Variants in ABCA10 observed in about 807,000 individuals in gnomAD.
ABCA10 encodes the protein ATP binding cassette subfamily A member 10, also known as ATP-binding cassette sub-family A member 10.
A neutral mutation model predicts 187.5 loss-of-function variants in ABCA10; 169 were observed. The ratio of observed to expected loss-of-function variants is 0.90; its 90% CI spans 0.80 to 1.02. The LOEUF is 1.02. Among genes scored for constraint, ABCA10 ranks in the 50% least tolerant of loss-of-function variants. ABCA10 has a pLI of 0.00. For synonymous variants in ABCA10, 574 were observed against 601.8 expected, an observed-to-expected ratio of 0.95 and a Z score of 0.68; for missense variants, 1,727 against 1,812.4, an observed-to-expected ratio of 0.95 and a Z score of 0.86.
At position 69,219,728 on chromosome 17, in the gene ABCA10, A is replaced by T; in HGVS notation, c.347T>A (p.Ile116Asn). Residue 116 changes from isoleucine (I) to asparagine (N), a missense_variant, in exon 6 of 39, where the codon ATT (isoleucine) becomes AAT (asparagine). Ile to Asn is a moderately radical substitution (Grantham distance 149, BLOSUM62 -3). Transcript: ENST00000690296. ...AGGTGGTATCTTCATATTTATTCCA[A>T]TAACTGATGTCAACTCCTCCATTAC... ...HSVMEELTSV[I>N]GINMKIPPFI... The T allele has an allele frequency of 2.5e-6, 4 of 1,607,344 alleles. No homozygotes were observed. The highest frequency in any genetic ancestry group is 3.4e-6 in the Non-Finnish European group (4 of 1,177,318).
chr17:69,190,970 G>A (rs184338541), intron 17 of ABCA10, among the ~76,000 whole-genome samples: 44 of 152,118 alleles, frequency 2.9e-4, no homozygotes, highest in African/African-American at 8.7e-4. Context: ...AGTGCAAATC[G>A]GGGTTTCTAT....
intron 27 of ABCA10, among the ~76,000 whole-genome samples, chr17:69,160,875 A>G (rs1217916052): frequency 6.6e-6 from 1 of 152,120 alleles, no homozygotes; most frequent in East Asian, 1.9e-4. Flanking sequence ...ATAAAACTAG[A>G]ACTACCATAT....
chr17:69,189,263 C>T (rs1373073039), intron 18 of ABCA10, among the ~76,000 whole-genome samples: 1 of 151,884 alleles, frequency 6.6e-6, no homozygotes, highest in African/African-American at 2.4e-5. Context: ...TTTTGATCTG[C>T]ATTTCCCTAT....
intron 18 of ABCA10, among the ~76,000 whole-genome samples, chr17:69,190,144 A>C (rs1351629146): frequency 6.6e-6 from 1 of 152,150 alleles, no homozygotes; most frequent in Non-Finnish European, 1.5e-5. Flanking sequence ...GTTGGAAAGC[A>C]ATTTGCCTAG....
intron 25 of ABCA10, among the ~76,000 whole-genome samples, chr17:69,172,577 C>T (rs1568055157): frequency 1.3e-5 from 2 of 151,980 alleles, no homozygotes; most frequent in African/African-American, 4.8e-5. Flanking sequence ...CCTTAAGCCT[C>T]CCAGTCTGTA....
At chr17:69,214,011 G>C (rs1027852534) in intron 9 of ABCA10, among the ~76,000 whole-genome samples, 2 of 152,018 alleles carry the variant, frequency 1.3e-5, no homozygotes, top group Non-Finnish European at 2.9e-5. Flanking sequence ...AACTATACTT[G>C]AGCCAAATAT....
chr17:69,191,397 G>T, intron 16 of ABCA10, 82 bp from the exon 17 acceptor site: 1 of 1,319,662 alleles, frequency 7.6e-7, no homozygotes, highest in Non-Finnish European at 9.9e-7. Context: ...CTATTAAACA[G>T]CTTATATGTA....
intron 38 of ABCA10, 33 bp from the exon 39 acceptor site, chr17:69,148,958 T>C: frequency 6.2e-7 from 1 of 1,612,742 alleles, no homozygotes; most frequent in Non-Finnish European, 8.5e-7. Flanking sequence ...GATACAAAAA[T>C]GTCAGGGTGT....
chr17:69,223,107 G>C, intron 3 of ABCA10, among the ~76,000 whole-genome samples: 1 of 151,998 alleles, frequency 6.6e-6, no homozygotes, highest in Non-Finnish European at 1.5e-5. Context: ...GAAAGGAAAA[G>C]CTCTCATATT....
At chr17:69,194,332 C>A (rs2074483017) in intron 12 of ABCA10, 53 bp downstream of exon 12, 12 of 1,451,536 alleles carry the variant, frequency 8.3e-6, no homozygotes, top group Non-Finnish European at 1.2e-5. Flanking sequence ...ATAATCAAAC[C>A]AATTTACAAC....
Position 69,177,955 on chromosome 17 carries a change from CAAAAAAA to C in ABCA10, c.2770-2449_2770-2443del, listed in dbSNP as rs11320201. Among the ~76,000 whole-genome samples the C allele has an allele frequency of 2.8e-3, 183 of 64,682 alleles. 1 individual carries two copies. The highest frequency in any genetic ancestry group is 4.0e-3 in the South Asian group (7 of 1,742). The allele number at this position is 64,682 out of a possible 152,430, so 42.4% of individuals were successfully genotyped here. ...TGGGTGACAGAATGAGACTCCATTT[CAAAAAAA>C]AAAAAAAAAAAATATATATATATAT... On this transcript the variant is annotated intron_variant, in intron 22 of 38. Transcript: ENST00000690296.
In ABCA10 at chr17:69,148,907, TAC is replaced by T. The variant is rs747181599; in HGVS notation, c.4550_4551del (p.Cys1517Ter). ...ATLEQVFLEL[C>X]KEQELGNVDD... ...TCAACATTTCCCAGCTCCTGCTCTTTACAGAGTTCTAAGAATACCTAAGTAAG... is the reference window on the plus strand; with the variant it reads ...TCAACATTTCCCAGCTCCTGCTCTTTAGAGTTCTAAGAATACCTAAGTAAG... On this transcript the variant is annotated frameshift_variant, in exon 39 of 39. Coordinates refer to ENST00000690296, the MANE Select transcript of ABCA10 (RefSeq NM_001377321.1). LOFTEE classifies it low-confidence loss of function (END_TRUNC). 1.9e-6 allele frequency: 3 copies of T among 1,613,788 alleles called. No homozygotes were observed. The highest frequency in any genetic ancestry group is 2.5e-6 in the Non-Finnish European group (3 of 1,179,810).
rs142309537 is a variant in ABCA10 at position 69,184,916 on chromosome 17, TACACAC to T, written c.2497+555_2497+560del. On this transcript the variant is annotated intron_variant, in intron 20 of 38. Coordinates refer to ENST00000690296, the MANE Select transcript of ABCA10 (RefSeq NM_001377321.1). ...ACATACATATATATAACTTTTTAAA[TACACAC>T]ACACACACACACACACACACACACA... 1.5e-3 allele frequency among the ~76,000 whole-genome samples: 213 copies of T among 141,614 alleles called. 1 individual carries two copies. The highest frequency in any genetic ancestry group is 7.1e-3 in the Middle Eastern group (2 of 280). 92.9% of individuals were successfully genotyped at this position (141,614 alleles called of 152,430 possible).
chr17:69,173,545 T>C (rs886978304), intron 25 of ABCA10, among the ~76,000 whole-genome samples: 3 of 152,072 alleles, frequency 2.0e-5, no homozygotes, highest in Non-Finnish European at 4.4e-5. Context: ...CTTGCTCTCT[T>C]TCTCACCGCT....
chr17:69,218,842 C>T (rs1441171773), intron 6 of ABCA10, among the ~76,000 whole-genome samples: 1 of 152,148 alleles, frequency 6.6e-6, no homozygotes, highest in Non-Finnish European at 1.5e-5. Context: ...CTCAGTGACA[C>T]TGTGGTAAAT....
At chr17:69,189,227 G>A (rs141139887) in intron 18 of ABCA10, among the ~76,000 whole-genome samples, 193 of 152,060 alleles carry the variant, frequency 1.3e-3, no homozygotes, top group Non-Finnish European at 4.7e-4. Flanking sequence ...TAGCTATTTT[G>A]ACTGGTGTGA....
chr17:69,224,985 A>G (rs1568075784), intron 3 of ABCA10, among the ~76,000 whole-genome samples: 3 of 152,218 alleles, frequency 2.0e-5, no homozygotes, highest in African/African-American at 7.2e-5. Context: ...TAGAATACCA[A>G]CCCAAATATA....
intron 5 of ABCA10, 30 bp from the exon 6 acceptor site, chr17:69,219,801 G>T: frequency 7.1e-7 from 1 of 1,407,552 alleles, no homozygotes; most frequent in South Asian, 1.5e-5. Flanking sequence ...AATTTATTAT[G>T]TGAACTATAG....
chr17:69,195,484 AATG>A (rs536390576), intron 11 of ABCA10, among the ~76,000 whole-genome samples: 31 of 151,276 alleles, frequency 2.0e-4, no homozygotes, highest in African/African-American at 7.0e-4. Context: ...TTTCCACAAT[AATG>A]ATATTTTCAC....
Sources: allele counts gnomAD v4.1 joint callset (sites outside exome capture counted in the v4.1 genomes callset), GRCh38; gene constraint gnomAD v4.1.1; transcripts MANE v1.5; gene names NCBI Gene and HGNC (gene_info 2026-07-23, HGNC 2026-07-21).